Variants in SEMA3F observed in about 807,000 individuals in gnomAD.
The protein encoded by SEMA3F is semaphorin 3F.
SEMA3F carries 30 observed loss-of-function variants against 98.5 expected under a neutral mutation model. The ratio of observed to expected loss-of-function variants is 0.30; its 90% CI spans 0.23 to 0.41. SEMA3F has a LOEUF of 0.41. Ranked by LOEUF, SEMA3F falls within the 10% of genes least tolerant of loss-of-function variation. The pLI, the probability that SEMA3F is intolerant of heterozygous loss-of-function variation, is 1.00. For missense variants in SEMA3F, 866 were observed against 1,119.3 expected (o/e 0.77, Z 3.23); for synonymous variants, 380 against 444.8 (o/e 0.85, Z 1.83).
At chr3:50,179,833 T>C (rs918435060) in intron 7 of SEMA3F, among the ~76,000 whole-genome samples, 1 of 152,226 alleles carries the variant, frequency 6.6e-6, no homozygotes, top group Non-Finnish European at 1.5e-5. Context: ...TCCAGCTTCC[T>C]CTCTTCTCTC....
rs369678199 is a variant in SEMA3F at position 50,185,496 on chromosome 3, G to A, written c.1510G>A (p.Glu504Lys). 6 of 1,613,956 alleles carry A rather than the reference G, an allele frequency of 3.7e-6. No individual in the cohort carries two copies. Among genetic ancestry groups the A allele is most frequent in the Non-Finnish European group, 2.5e-6 (3 of 1,179,956 alleles). The part of the protein sequence containing the change: ...IVLPKDDQEL[E>K]ELMLEEVEVF... The stretch of plus-strand genomic sequence containing the variant: ...GCTGCCCAAGGATGACCAGGAGTTG[G>A]AGGAGCTCATGCTGGAGGAGGTGGA... The change falls in exon 14 of 19, where the codon GAG (glutamate) becomes AAG (lysine). Residue 504 changes from glutamate (E) to lysine (K), a missense_variant. Transcript: ENST00000002829.
chr3:50,183,280 G>A, intron 11 of SEMA3F, 25 bp downstream of exon 11: 2 of 1,611,336 alleles, frequency 1.2e-6, no homozygotes, highest in African/African-American at 1.3e-5. Flanking sequence ...AGGGCCAGCA[G>A]TGGCAGGGAG....
rs982603495 is a variant in SEMA3F at position 50,158,725 on chromosome 3, C to T, written c.-48-850C>T. 6.6e-6 allele frequency among the ~76,000 whole-genome samples: 1 copy of T among 152,222 alleles called. No individual in the cohort carries two copies. Among genetic ancestry groups the T allele is most frequent in the African/African-American group, 2.4e-5 (1 of 41,450 alleles). On this transcript the variant is annotated intron_variant, in intron 1 of 18. Coordinates refer to ENST00000002829, the MANE Select transcript of SEMA3F (RefSeq NM_004186.5). The surrounding 1 kb of genome is among the most constrained non-coding windows in gnomAD (Gnocchi z 4.8). ...GCCGGGAGGGAGCAATATGTTCTGA[C>T]AACTGGTGCTGGGCTGCGTTTACCC...
Position 50,185,522 on chromosome 3 carries a change from G to C in SEMA3F, c.1536G>C (p.Glu512Asp). The C allele has an allele frequency of 6.2e-7, 1 of 1,613,960 alleles. No homozygotes were observed. Among genetic ancestry groups the C allele is most frequent in the Non-Finnish European group, 8.5e-7 (1 of 1,179,912 alleles). ...AGGAGCTCATGCTGGAGGAGGTGGAGGTCTTCAAGGTGGGTGTGACACCAC... is the reference window on the plus strand; with the variant it reads ...AGGAGCTCATGCTGGAGGAGGTGGACGTCTTCAAGGTGGGTGTGACACCAC... Reference protein sequence around the residue: ...ELEELMLEEVEVFKDPAPVKT... With the variant: ...ELEELMLEEVDVFKDPAPVKT... Residue 512 changes from glutamate (E) to aspartate (D), a missense_variant, in exon 14 of 19, where the codon GAG becomes GAC. Physicochemically the swap from Glu to Asp is conservative, Grantham distance 45. Coordinates refer to ENST00000002829, the MANE Select transcript of SEMA3F (RefSeq NM_004186.5).
intron 6 of SEMA3F, 103 bp downstream of exon 6, chr3:50,175,291 C>A (rs1043680907): frequency 2.5e-6 from 2 of 785,676 alleles, no homozygotes; most frequent in African/African-American, 1.7e-5. Flanking sequence ...CTCCCCTCTA[C>A]CTCTGTGCCC....
chr3:50,175,463 A>G (rs1698776285), intron 6 of SEMA3F, among the ~76,000 whole-genome samples: 1 of 152,262 alleles, frequency 6.6e-6, no homozygotes, highest in African/African-American at 2.4e-5. Flanking sequence ...TAGCCCTCAG[A>G]AAGCATGTGT....
chr3:50,186,340 A>G lies in SEMA3F; in HGVS notation c.1805A>G (p.Asn602Ser). The G allele has an allele frequency of 6.2e-7, 1 of 1,613,670 alleles. No individual in the cohort carries two copies. The highest frequency in any genetic ancestry group is 8.5e-7 in the Non-Finnish European group (1 of 1,179,882). Residue 602 changes from asparagine (N) to serine (S), a missense_variant, in exon 17 of 19, where the codon AAC becomes AGC. Asn to Ser is a conservative substitution (Grantham distance 46, BLOSUM62 1). Coordinates refer to ENST00000002829, the MANE Select transcript of SEMA3F (RefSeq NM_004186.5). Reference sequence around the variant, plus strand: ...CCCATCAGGCAGTGCCGTGGGTTCAACTCCAATGGTGAGTATGCTGGGCCT... The same window carrying G: ...CCCATCAGGCAGTGCCGTGGGTTCAGCTCCAATGGTGAGTATGCTGGGCCT... ...GNPIRQCRGF[N>S]SNANKNAVES...
upstream of SEMA3F, chr3:50,155,125 C>T (rs1697922150): frequency 4.8e-6 from 2 of 416,442 alleles, no homozygotes; most frequent in South Asian, 3.4e-5. The surrounding 1 kb of genome is among the most constrained non-coding windows in gnomAD (Gnocchi z 4.9). Context: ...TCCGGAGAGC[C>T]CCGAGCGCAG....
At chr3:50,162,478 G>A (rs539909521) in intron 2 of SEMA3F, among the ~76,000 whole-genome samples, 10 of 152,236 alleles carry the variant, frequency 6.6e-5, no homozygotes, top group Non-Finnish European at 1.3e-4. Context: ...GCTCTTGAGA[G>A]AGTGGAGCCT....
chr3:50,161,176 A>G (rs1011732400), intron 2 of SEMA3F, among the ~76,000 whole-genome samples: 1 of 152,104 alleles, frequency 6.6e-6, no homozygotes, highest in African/African-American at 2.4e-5. Flanking sequence ...CTTGGTCTCC[A>G]CACCCCTGGG....
chr3:50,171,528 C>T (rs1698604120), intron 2 of SEMA3F, among the ~76,000 whole-genome samples: 1 of 152,132 alleles, frequency 6.6e-6, no homozygotes, highest in Non-Finnish European at 1.5e-5. Flanking sequence ...CCCAAAGTGC[C>T]CCCTAGCCCA....
intron 1 of SEMA3F, among the ~76,000 whole-genome samples, chr3:50,157,903 A>G (rs1240058395): frequency 1.3e-5 from 2 of 152,124 alleles, no homozygotes; most frequent in Non-Finnish European, 1.5e-5. Flanking sequence ...CCCCCGTTAC[A>G]TAGTATCGAA....
At position 50,175,085 on chromosome 3, in the gene SEMA3F, C is replaced by T. The variant is rs1164162985; in HGVS notation, c.457-11C>T. ...ACCCCCAGCTCTAACCCCTGTTCCT[C>T]GTCTTCTCAGGCCACACCATGGACC... On this transcript the variant is annotated splice_polypyrimidine_tract_variant and intron_variant, in intron 5 of 18. Coordinates refer to ENST00000002829, the MANE Select transcript of SEMA3F (RefSeq NM_004186.5). 3.7e-6 allele frequency: 6 copies of T among 1,601,014 alleles called. No homozygotes were observed. Among genetic ancestry groups the T allele is most frequent in the African/African-American group, 2.7e-5 (2 of 74,682 alleles).
intron 10 of SEMA3F, 61 bp from the exon 11 acceptor site, chr3:50,183,125 G>T: frequency 6.3e-7 from 1 of 1,580,722 alleles, no homozygotes; most frequent in African/African-American, 1.3e-5. Context: ...GTGCAGGAGT[G>T]GGTGGGGCCC....
Position 50,182,157 on chromosome 3 carries a change from C to A in SEMA3F, c.644-127C>A. ...TGGTGAAACACTGACCAGCACTCCA[C>A]TGGAGATAGGATCATGCCCCAGGGA... is the stretch of plus-strand genomic sequence containing the variant. On this transcript the variant is annotated intron_variant, in intron 7 of 18. Coordinates refer to ENST00000002829, the MANE Select transcript of SEMA3F (RefSeq NM_004186.5). This position sits in a 1 kb window ranked among gnomAD's most constrained non-coding sequence, Gnocchi z 4.5. 8.4e-7 allele frequency: 1 copy of A among 1,194,324 alleles called. No homozygotes were observed. The highest frequency in any genetic ancestry group is 1.2e-6 in the Non-Finnish European group (1 of 826,960). The allele number at this position is 1,194,324 out of a possible 1,614,324, so 74.0% of individuals were successfully genotyped here. A position where few individuals can be genotyped will look rare whatever the true frequency, so the allele number is the denominator to read the frequency against.
intron 18 of SEMA3F, 117 bp downstream of exon 18, chr3:50,186,863 T>C: frequency 1.8e-6 from 2 of 1,083,050 alleles, no homozygotes; most frequent in African/African-American, 3.2e-5. Flanking sequence ...CAAGCTCCCT[T>C]CCCTACATGC....
rs997193743 is a variant in SEMA3F, at chr3:50,158,213, C to A, written c.-48-1362C>A. Among the ~76,000 whole-genome samples the A allele has an allele frequency of 6.1e-4, 93 of 152,232 alleles. No homozygotes were observed. The highest frequency in any genetic ancestry group is 2.1e-3 in the African/African-American group (85 of 41,448). On this transcript the variant is annotated intron_variant, in intron 1 of 18. Transcript: ENST00000002829. The surrounding 1 kb of genome is among the most constrained non-coding windows in gnomAD (Gnocchi z 4.8). ...CCTGAGGAGGGGCTGGTTCTGATTC[C>A]CCCATCCCCCAGCTAGCCTCCCCAG...
In SEMA3F at chr3:50,186,654, G is replaced by A. The variant is rs1423612417; in HGVS notation, c.1855G>A (p.Gly619Ser). The A allele has an allele frequency of 1.3e-5, 21 of 1,607,844 alleles. No homozygotes were observed. Among genetic ancestry groups the A allele is most frequent in the South Asian group, 2.2e-5 (2 of 90,860 alleles). ...AVESVQYGVA[G>S]SAAFLECQPR... is the part of the protein sequence containing the mutation. ...GGAGTCTGTGCAGTATGGCGTGGCC[G>A]GCAGCGCAGCCTTCCTTGAGTGCCA... The change falls in exon 18 of 19, where the codon GGC (glycine) becomes AGC (serine). Residue 619 changes from glycine to serine, a missense_variant. By Grantham distance (56) the Gly-to-Ser change is moderately conservative (BLOSUM62 0). Around this residue, in one of 3 missense-constraint regions of SEMA3F, gnomAD observed 245 missense variants for 260.5 expected, o/e 0.94. Coordinates refer to ENST00000002829, the MANE Select transcript of SEMA3F (RefSeq NM_004186.5).
At chr3:50,184,503 C>A in intron 12 of SEMA3F, 89 bp from the exon 13 acceptor site, 1 of 891,826 alleles carries the variant, frequency 1.1e-6, no homozygotes, top group Non-Finnish European at 1.8e-6. Flanking sequence ...GTAGTGGGGA[C>A]AGACAGTGCA....
Sources: allele counts gnomAD v4.1 joint callset (sites outside exome capture counted in the v4.1 genomes callset), GRCh38; gene constraint gnomAD v4.1.1; regional missense constraint gnomAD v4.1.1; non-coding constraint Gnocchi (gnomAD v3.1); transcripts MANE v1.5; gene names NCBI Gene and HGNC (gene_info 2026-07-23, HGNC 2026-07-21).